TDRD10: variants seen among roughly 807,000 people sequenced by gnomAD.
TDRD10 encodes the protein tudor domain containing 10.
Under a neutral mutation model 48.0 loss-of-function variants are expected in TDRD10, and 40 were observed. That is an observed-to-expected ratio of 0.83 (90% confidence interval 0.65 to 1.09). TDRD10 has a LOEUF of 1.09. TDRD10 is among the 50% of genes least tolerant of loss of function. The probability of loss-of-function intolerance (pLI) is 0.00; values close to 1 mark genes in which losing one functional copy is unlikely to be tolerated. For missense variants in TDRD10, 378 were observed against 434.7 expected (o/e 0.87, Z 1.16); for synonymous variants, 162 against 170.4 (o/e 0.95, Z 0.38).
chr1:154,508,384 G>GTA (rs1557812756), intron 3 of TDRD10, 39 bp from the exon 4 acceptor site: 1 of 1,394,900 alleles, frequency 7.2e-7, no homozygotes. Context: ...TCCTCTAACC[G>GTA]TATGTATGCC....
At position 154,510,409 on chromosome 1, in the gene TDRD10, G is replaced by A. The variant is rs939854837; in HGVS notation, c.141+1928G>A. Among the ~76,000 whole-genome samples, 4 of 151,802 alleles carry A rather than the reference G, an allele frequency of 2.6e-5. No homozygotes were observed. The South Asian group carries it at 6.3e-4, about 24-fold the overall frequency. ...AGATCGAGACCATCCTGGCTAACACGGTGAAACCCCGTCTCTACTAAAAAT... is the reference window on the plus strand; with the variant it reads ...AGATCGAGACCATCCTGGCTAACACAGTGAAACCCCGTCTCTACTAAAAAT... On this transcript the variant is annotated intron_variant, in intron 4 of 12. Transcript: ENST00000368482.
chr1:154,544,885 C>T lies in TDRD10; in HGVS notation c.888C>T (p.Arg296=), dbSNP rs754978467. The T allele has an allele frequency of 6.2e-7, 1 of 1,614,244 alleles. No individual in the cohort carries two copies. The highest frequency in any genetic ancestry group is 8.5e-7 in the Non-Finnish European group (1 of 1,180,046). The part of the protein sequence containing the change: ...QLATIPVQSL[R]SLDSDDFWTI... ...CCACCATCCCTGTGCAGTCTCTGCG[C>T]AGCCTAGACAGCGACGACTTCTGGA... Residue 296 remains arginine, a synonymous_variant, in exon 11 of 13, where the codon CGC becomes CGT. Transcript: ENST00000368482.
intron 4 of TDRD10, among the ~76,000 whole-genome samples, chr1:154,516,139 A>G (rs1368241278): frequency 2.6e-5 from 4 of 152,246 alleles, no homozygotes; most frequent in Non-Finnish European, 4.4e-5. Context: ...TATCTATTGA[A>G]TGAAAGAGTG....
At chr1:154,542,235 A>AT (rs894672725) in intron 7 of TDRD10, among the ~76,000 whole-genome samples, 169 bp downstream of exon 7, 1 of 151,430 alleles carries the variant, frequency 6.6e-6, no homozygotes, top group Non-Finnish European at 1.5e-5. Flanking sequence ...GCTTGCTTTC[A>AT]TTTTTTCTTT....
At chr1:154,518,223 A>T (rs1233883083) in intron 4 of TDRD10, among the ~76,000 whole-genome samples, 2 of 152,174 alleles carry the variant, frequency 1.3e-5, no homozygotes, top group Non-Finnish European at 2.9e-5. Flanking sequence ...TTTATAGTAG[A>T]TGTGCAGTGT....
chr1:154,505,416 C>G (rs1311947171), intron 1 of TDRD10, among the ~76,000 whole-genome samples: 1 of 152,202 alleles, frequency 6.6e-6, no homozygotes, highest in African/African-American at 2.4e-5. Flanking sequence ...TCCTGTATCT[C>G]TGATTTTGCC....
At chr1:154,517,800 G>A (rs941045900) in intron 4 of TDRD10, among the ~76,000 whole-genome samples, 2 of 152,126 alleles carry the variant, frequency 1.3e-5, no homozygotes, top group African/African-American at 4.8e-5. Flanking sequence ...GCTTCCTCAA[G>A]CAGAGCTTCA....
rs745597064 is a variant in TDRD10 at position 154,542,741 on chromosome 1, G to C, written c.423G>C (p.Gln141His). The part of the protein sequence containing the change: ...EGFGKTAAII[Q>H]LAPKAPVDLC... Reference sequence around the variant, plus strand: ...TCTTCTGCTTTCTAGCTATTATACAGCTCGCTCCTAAAGCTCCTGTTGACC... The same window carrying C: ...TCTTCTGCTTTCTAGCTATTATACACCTCGCTCCTAAAGCTCCTGTTGACC... Residue 141 changes from glutamine to histidine, a missense_variant, in exon 8 of 13, where the codon CAG becomes CAC. Physicochemically the swap from Gln to His is conservative, Grantham distance 24. This residue lies in a region of TDRD10 where 310 missense variants were observed against 323.6 expected (regional missense o/e 0.96). Transcript: ENST00000368482. 3.1e-6 allele frequency: 5 copies of C among 1,613,452 alleles called. No homozygotes were observed. In the African/African-American group the frequency reaches 6.7e-5, roughly 22 times the overall value.
At chr1:154,545,606 A>T (rs1695504626) in intron 11 of TDRD10, among the ~76,000 whole-genome samples, 1 of 152,000 alleles carries the variant, frequency 6.6e-6, no homozygotes, top group Non-Finnish European at 1.5e-5. Context: ...GCAGGGTCTC[A>T]CTCTGTTGCC....
At chr1:154,544,270 C>G (rs1417189914) in intron 9 of TDRD10, 102 bp from the exon 10 acceptor site, 4 of 1,540,284 alleles carry the variant, frequency 2.6e-6, no homozygotes, top group Non-Finnish European at 3.5e-6. Context: ...TACCTGATGG[C>G]CTTGGGACGG....
chr1:154,526,873 G>T (rs1694346920), intron 6 of TDRD10, among the ~76,000 whole-genome samples: 2 of 150,650 alleles, frequency 1.3e-5, no homozygotes, highest in African/African-American at 4.9e-5. Context: ...ACAGGCGTGA[G>T]CCACCGCACC....
intron 8 of TDRD10, among the ~76,000 whole-genome samples, chr1:154,543,596 A>C (rs533168062): frequency 6.6e-6 from 1 of 152,322 alleles, no homozygotes; most frequent in East Asian, 1.9e-4. Flanking sequence ...CATGGTGGAC[A>C]GTCCACACCT....
chr1:154,508,078 A>T (rs1158129962), intron 3 of TDRD10, among the ~76,000 whole-genome samples: 1 of 152,184 alleles, frequency 6.6e-6, no homozygotes, highest in African/African-American at 2.4e-5. Flanking sequence ...AGGCAGGGGT[A>T]TGCATGGCCA....
chr1:154,535,032 T>C (rs375391281), intron 6 of TDRD10, among the ~76,000 whole-genome samples: 3 of 152,200 alleles, frequency 2.0e-5, no homozygotes, highest in East Asian at 3.8e-4. Context: ...AGAATCCACA[T>C]TGAAGGATAT....
intron 4 of TDRD10, among the ~76,000 whole-genome samples, chr1:154,514,683 TTTTG>T (rs1039806865): frequency 6.6e-6 from 1 of 152,046 alleles, no homozygotes; most frequent in Non-Finnish European, 1.5e-5. Context: ...TCATTTGTTT[TTTTG>T]TTTGTTTGTT....
At chr1:154,523,035 C>T (rs1366270141) in intron 6 of TDRD10, among the ~76,000 whole-genome samples, 1 of 152,132 alleles carries the variant, frequency 6.6e-6, no homozygotes, top group Non-Finnish European at 1.5e-5. Context: ...CCCACCTCAG[C>T]TGGGACTACA....
At chr1:154,537,329 C>A (rs543548890) in intron 6 of TDRD10, among the ~76,000 whole-genome samples, 1 of 152,148 alleles carries the variant, frequency 6.6e-6, no homozygotes, top group Non-Finnish European at 1.5e-5. Flanking sequence ...TTTGTGGTGG[C>A]GTTTTATATT....
In TDRD10 at chr1:154,547,742, T is replaced by C; in HGVS notation, c.*32T>C. On this transcript the variant is annotated 3_prime_UTR_variant, in exon 13 of 13. Coordinates refer to ENST00000368482, the MANE Select transcript of TDRD10 (RefSeq NM_182499.4). ...TTCCCTCAGCATGTTCCCTCTCCTG[T>C]TTGCCACGGATCCAGAGGCCACCTG... 6.2e-7 allele frequency: 1 copy of C among 1,612,366 alleles called. No individual in the cohort carries two copies. The highest frequency in any genetic ancestry group is 8.5e-7 in the Non-Finnish European group (1 of 1,179,760).
chr1:154,510,205 G>C (rs1288366617), intron 4 of TDRD10, among the ~76,000 whole-genome samples: 1 of 142,926 alleles, frequency 7.0e-6, no homozygotes. Context: ...AGGAGTTCAA[G>C]ACCAGCCTAG....
Sources: gnomAD v4.1 joint callset for allele counts (sites outside exome capture counted in the v4.1 genomes callset) on GRCh38, gnomAD v4.1.1 for gene constraint, gnomAD v4.1.1 regional missense constraint, MANE v1.5 for transcripts, NCBI Gene and HGNC (gene_info 2026-07-23, HGNC 2026-07-21) for gene names.